Variants in FBXL17 observed in about 807,000 individuals in gnomAD.
FBXL17 encodes F-box/LRR-repeat protein 17.
In FBXL17, 22 loss-of-function variants were observed where a neutral mutation model predicts 66.2. The observed-to-expected ratio is 0.33, with a 90% CI of 0.24 to 0.47. The LOEUF (loss-of-function observed/expected upper bound fraction) is 0.47. FBXL17 is among the 20% of genes least tolerant of loss of function. The pLI is 1.00. For synonymous variants in FBXL17, 474 were observed against 400.5 expected (o/e 1.18, Z -2.19); for missense variants, 878 against 948.2 (o/e 0.93, Z 0.97).
chr5:108,381,005 CCCGCCA>C lies in FBXL17; in HGVS notation c.681_686del (p.Gly230_Gly231del), dbSNP rs1317678869. On this transcript the variant is annotated inframe_deletion, in exon 1 of 9. Coordinates refer to ENST00000542267, the MANE Select transcript of FBXL17 (RefSeq NM_001163315.3). ...AAGCGCCTCCCCCCGCAGGCCCTCC[CCCGCCA>C]CCGCCGCCGCCGCCGCCGCCGCAGC... 1.8e-5 allele frequency: 21 copies of C among 1,193,064 alleles called. No homozygotes were observed. Among genetic ancestry groups the C allele is most frequent in the South Asian group, 4.2e-5 (1 of 24,052 alleles). The allele number at this position is 1,193,064 out of a possible 1,614,324, so 73.9% of individuals were successfully genotyped here.
At chr5:108,161,378 C>G (rs533426616) in intron 6 of FBXL17, among the ~76,000 whole-genome samples, 3 of 151,980 alleles carry the variant, frequency 2.0e-5, no homozygotes, top group Admixed American at 6.6e-5. Flanking sequence ...CCCAGCTACT[C>G]GGGAGGCTGA....
At chr5:107,910,736 A>G (rs966390298) in intron 7 of FBXL17, among the ~76,000 whole-genome samples, 1 of 152,142 alleles carries the variant, frequency 6.6e-6, no homozygotes, top group African/African-American at 2.4e-5. Flanking sequence ...CCACAAAACC[A>G]GTTGTATTCC....
At chr5:107,939,313 G>A (rs142965441) in intron 7 of FBXL17, among the ~76,000 whole-genome samples, 1 of 152,142 alleles carries the variant, frequency 6.6e-6, no homozygotes, top group Admixed American at 6.6e-5. Context: ...TCATGATTTT[G>A]CACATCTGAG....
intron 6 of FBXL17, among the ~76,000 whole-genome samples, chr5:108,127,024 C>T (rs1275035986): frequency 6.6e-6 from 1 of 152,104 alleles, no homozygotes; most frequent in Non-Finnish European, 1.5e-5. Flanking sequence ...CAATTCAAAT[C>T]AGACTATATT....
chr5:107,923,949 G>C (rs1276753208), intron 7 of FBXL17, among the ~76,000 whole-genome samples: 2 of 151,400 alleles, frequency 1.3e-5, no homozygotes, highest in African/African-American at 2.4e-5. Flanking sequence ...GTGTGCTGAA[G>C]ACAACTAAAC....
At chr5:108,200,530 A>T (rs1753848167) in intron 5 of FBXL17, among the ~76,000 whole-genome samples, 1 of 152,130 alleles carries the variant, frequency 6.6e-6, no homozygotes, top group Non-Finnish European at 1.5e-5. Context: ...TCTTTGAGCC[A>T]GATGAAAGCT....
chr5:108,324,775 T>C lies in FBXL17; in HGVS notation c.1506+23624A>G, dbSNP rs569850238. 1.8e-3 allele frequency among the ~76,000 whole-genome samples: 269 copies of C among 152,074 alleles called. 3 individuals carry two copies. Among genetic ancestry groups the C allele is most frequent in the Non-Finnish European group, 2.5e-3 (170 of 67,930 alleles). On this transcript the variant is annotated intron_variant, in intron 4 of 8. Transcript: ENST00000542267. ...GTGTGTGCATGCACATGTACACACA[T>C]ACACAATGTAATATTACTCAGCCTA...
intron 4 of FBXL17, chr5:108,298,647 G>C (rs1311896499): frequency 1.1e-6 from 1 of 899,864 alleles, no homozygotes; most frequent in African/African-American, 1.8e-5. Context: ...ACAAAACACA[G>C]TTCATCCTTT....
At chr5:107,919,142 A>G (rs1005224470) in intron 7 of FBXL17, among the ~76,000 whole-genome samples, 2 of 152,212 alleles carry the variant, frequency 1.3e-5, no homozygotes, top group Admixed American at 1.3e-4. Context: ...AAAGAAAAAA[A>G]ATTGCAGGGT....
chr5:108,143,395 T>C (rs1286471376), intron 6 of FBXL17, among the ~76,000 whole-genome samples: 1 of 150,950 alleles, frequency 6.6e-6, no homozygotes, highest in Non-Finnish European at 1.5e-5. Flanking sequence ...AACATGCTAT[T>C]AATGTATTTA....
intron 4 of FBXL17, among the ~76,000 whole-genome samples, chr5:108,292,828 G>A (rs2150164728): frequency 6.6e-6 from 1 of 152,274 alleles, no homozygotes; most frequent in African/African-American, 2.4e-5. Flanking sequence ...GGCCGGGCGT[G>A]GTGGCTTACG....
chr5:108,012,205 T>C (rs764418787), intron 7 of FBXL17, among the ~76,000 whole-genome samples: 5 of 152,226 alleles, frequency 3.3e-5, no homozygotes, highest in East Asian at 1.9e-4. Flanking sequence ...AAGTTAGTTA[T>C]AATAATTTTA....
chr5:108,224,750 C>T (rs1349026008), intron 4 of FBXL17, among the ~76,000 whole-genome samples: 1 of 151,824 alleles, frequency 6.6e-6, no homozygotes. Flanking sequence ...CATCACCACA[C>T]CCAACTAGTT....
chr5:108,314,419 C>T (rs1350088905), intron 4 of FBXL17, among the ~76,000 whole-genome samples: 1 of 151,488 alleles, frequency 6.6e-6, no homozygotes, highest in African/African-American at 2.4e-5. Context: ...CTAAGACTAT[C>T]CCATAAGTCA....
At chr5:108,301,420 T>C (rs1758583230) in intron 4 of FBXL17, among the ~76,000 whole-genome samples, 1 of 150,568 alleles carries the variant, frequency 6.6e-6, no homozygotes, top group Non-Finnish European at 1.5e-5. Context: ...TATTTTTACA[T>C]ATATTTACAA....
chr5:108,033,052 CT>C (rs34290955), intron 6 of FBXL17, among the ~76,000 whole-genome samples: 2 of 151,992 alleles, frequency 1.3e-5, no homozygotes, highest in Non-Finnish European at 2.9e-5. Flanking sequence ...AAACTTGAAA[CT>C]TTTTTAGAAT....
chr5:107,997,283 T>C (rs1219528687), intron 7 of FBXL17, among the ~76,000 whole-genome samples: 1 of 152,214 alleles, frequency 6.6e-6, no homozygotes, highest in Non-Finnish European at 1.5e-5. Context: ...TTGATAACTG[T>C]GAAGACTAAC....
At chr5:108,021,674 T>C (rs564883526) in intron 6 of FBXL17, among the ~76,000 whole-genome samples, 1 of 151,902 alleles carries the variant, frequency 6.6e-6, no homozygotes, top group East Asian at 1.9e-4. Flanking sequence ...TGGTGCACTC[T>C]GCTCTAATAG....
intron 4 of FBXL17, among the ~76,000 whole-genome samples, chr5:108,234,189 CT>C (rs1487385821): frequency 6.6e-6 from 1 of 152,100 alleles, no homozygotes; most frequent in Non-Finnish European, 1.5e-5. Flanking sequence ...GTGGATTACT[CT>C]ACTTATAAAC....
Sources: allele counts gnomAD v4.1 joint callset (sites outside exome capture counted in the v4.1 genomes callset), GRCh38; gene constraint gnomAD v4.1.1; transcripts MANE v1.5; gene names NCBI Gene and HGNC (gene_info 2026-07-23, HGNC 2026-07-21).